Variants in MGAT4A observed in about 807,000 individuals in gnomAD.
MGAT4A encodes the protein alpha-1,3-mannosyl-glycoprotein 4-beta-N-acetylglucosaminyltransferase A.
MGAT4A carries 33 observed loss-of-function variants against 74.1 expected under a neutral mutation model. The observed-to-expected ratio is 0.45, with a 90% confidence interval of 0.34 to 0.60. The LOEUF (loss-of-function observed/expected upper bound fraction) is 0.60, where lower values mean the gene tolerates loss of function less well. MGAT4A is among the 20% of genes least tolerant of loss of function. The pLI, the probability that MGAT4A is intolerant of heterozygous loss-of-function variation, is 0.02. For synonymous variants in MGAT4A, 198 were observed against 210.4 expected, an observed-to-expected ratio of 0.94 and a Z score of 0.51; for missense variants, 479 against 628.3, an observed-to-expected ratio of 0.76 and a Z score of 2.54.
intron 2 of MGAT4A, among the ~76,000 whole-genome samples, chr2:98,703,787 T>TG (rs1702384540): frequency 6.6e-6 from 1 of 152,212 alleles, no homozygotes; most frequent in African/African-American, 2.4e-5. Context: ...CACACTCATC[T>TG]GGCCTCAGGA....
intron 5 of MGAT4A, 151 bp downstream of exon 5, chr2:98,662,895 T>C (rs1701771795): frequency 1.9e-6 from 1 of 523,978 alleles, no homozygotes. Flanking sequence ...GAGTTCAATT[T>C]ACATTAAACT....
In MGAT4A at chr2:98,699,859, C is replaced by T. The variant is rs771113641; in HGVS notation, c.95-21388G>A. Among the ~76,000 whole-genome samples the T allele has an allele frequency of 3.9e-5, 6 of 152,042 alleles. No individual in the cohort carries two copies. The East Asian group carries it at 7.7e-4, about 20-fold the overall frequency. ...ATGTTTGCCATTTCCGCTTGAACCC[C>T]GAGTATGTGACAAAATGCTCCCTGG... On this transcript the variant is annotated intron_variant, in intron 2 of 15. Coordinates refer to ENST00000393487, the MANE Select transcript of MGAT4A (RefSeq NM_012214.3).
At chr2:98,667,576 G>T (rs1382955520) in intron 4 of MGAT4A, among the ~76,000 whole-genome samples, 2 of 152,172 alleles carry the variant, frequency 1.3e-5, no homozygotes, top group East Asian at 3.8e-4. Flanking sequence ...TTTTGCCCCT[G>T]CCCTAGAGAT....
intron 7 of MGAT4A, chr2:98,655,752 G>A: frequency 2.7e-6 from 1 of 376,476 alleles, no homozygotes. Context: ...AAGCTGTCCT[G>A]AGGAAAAAAA....
At chr2:98,686,687 C>T (rs1398017087) in intron 2 of MGAT4A, among the ~76,000 whole-genome samples, 1 of 152,060 alleles carries the variant, frequency 6.6e-6, no homozygotes, top group Non-Finnish European at 1.5e-5. Context: ...GCTGGGATTA[C>T]AGGTGCACAC....
At chr2:98,679,102 A>T (rs1702019267) in intron 2 of MGAT4A, among the ~76,000 whole-genome samples, 1 of 152,078 alleles carries the variant, frequency 6.6e-6, no homozygotes. Context: ...GCTTGAGCCC[A>T]GGAGTTCAAG....
chr2:98,724,250 A>G (rs1317727971), intron 2 of MGAT4A, among the ~76,000 whole-genome samples: 1 of 152,234 alleles, frequency 6.6e-6, no homozygotes, highest in Non-Finnish European at 1.5e-5. Context: ...CAAAGCTTAT[A>G]GAAACCACAC....
intron 4 of MGAT4A, 113 bp from the exon 5 acceptor site, chr2:98,663,292 C>T (rs750801286): frequency 1.3e-6 from 2 of 1,528,184 alleles, no homozygotes; most frequent in Non-Finnish European, 1.8e-6. Context: ...ACTGATGGAT[C>T]AAAATATATT....
Position 98,625,804 on chromosome 2 carries a change from C to G in MGAT4A, c.1500G>C (p.Met500Ile), listed in dbSNP as rs1221351814. The part of the protein sequence containing the change: ...GKFENGVAEG[M>I]VDPSLNPISA... ...AAATGGGATTGAGACTTGGATCCAC[C>G]ATTCCTTCTGCAACACCATTCTCAA... The change falls in exon 15 of 16, where the codon ATG becomes ATC. Residue 500 changes from methionine (M) to isoleucine (I), a missense_variant. Coordinates refer to ENST00000393487, the MANE Select transcript of MGAT4A (RefSeq NM_012214.3). 4 of 1,611,182 alleles carry G rather than the reference C, an allele frequency of 2.5e-6. No homozygotes were observed. The highest frequency in any genetic ancestry group is 1.1e-5 in the South Asian group (1 of 90,834).
chr2:98,699,581 C>G (rs1702323435), intron 2 of MGAT4A, among the ~76,000 whole-genome samples: 1 of 151,628 alleles, frequency 6.6e-6, no homozygotes, highest in African/African-American at 2.4e-5. Flanking sequence ...TCCTCTTAAA[C>G]TAAAAAAATG....
chr2:98,645,607 A>G (rs1197067751), intron 8 of MGAT4A, 65 bp from the exon 9 acceptor site: 5 of 1,153,456 alleles, frequency 4.3e-6, no homozygotes, highest in Non-Finnish European at 5.8e-6. Context: ...GAAGGATATT[A>G]TTATGGAAAA....
At chr2:98,652,766 C>A (rs1350455291) in intron 8 of MGAT4A, among the ~76,000 whole-genome samples, 2 of 152,178 alleles carry the variant, frequency 1.3e-5, no homozygotes, top group Middle Eastern at 3.4e-3. Context: ...CTGGTATGCA[C>A]CACCATGCCC....
intron 2 of MGAT4A, among the ~76,000 whole-genome samples, chr2:98,714,781 T>G (rs967800650): frequency 6.6e-6 from 1 of 152,076 alleles, no homozygotes; most frequent in Non-Finnish European, 1.5e-5. Flanking sequence ...CACAACATTG[T>G]GAATGTACTA....
In MGAT4A at chr2:98,656,386, T is replaced by A. The variant is rs1288420414; in HGVS notation, c.664A>T (p.Lys222Ter). 1 of 1,610,754 alleles carries A rather than the reference T, an allele frequency of 6.2e-7. No individual in the cohort carries two copies. Among genetic ancestry groups the A allele is most frequent in the Non-Finnish European group, 8.5e-7 (1 of 1,177,616 alleles). ...TCTTTGGAGTCTCCAAATGTCTCCT[T>A]TAGGTTTGTCAAGTCAGGATAATAG... is the stretch of plus-strand genomic sequence containing the variant. ...ESYYPDLTNL[K>*]ETFGDSKERV... Residue 222 changes from lysine (K) to a stop codon, truncating the protein, a stop_gained, in exon 7 of 16, where the codon AAG (lysine) becomes TAG (stop). Transcript: ENST00000393487. LOFTEE classifies it high-confidence loss of function.
chr2:98,621,751 T>G lies in MGAT4A; in HGVS notation c.*3815A>C. On this transcript the variant is annotated 3_prime_UTR_variant, in exon 16 of 16. Transcript: ENST00000393487. ...GTTTCCACATAACCAGTCTTTTCTT[T>G]GAGGGACAGCACTGTTGGGAGACAA... 1 of 1,216,778 alleles carries G rather than the reference T, an allele frequency of 8.2e-7. No homozygotes were observed. The highest frequency in any genetic ancestry group is 1.0e-6 in the Non-Finnish European group (1 of 975,994). The allele number at this position is 1,216,778 out of a possible 1,614,324, so 75.4% of individuals were successfully genotyped here. A position where few individuals can be genotyped will look rare whatever the true frequency, so the allele number is the denominator to read the frequency against.
At chr2:98,674,169 C>T (rs370604194) in intron 4 of MGAT4A, among the ~76,000 whole-genome samples, 4 of 152,122 alleles carry the variant, frequency 2.6e-5, no homozygotes, top group African/African-American at 9.7e-5. Context: ...AATAAGACAG[C>T]AAAATACTTA....
At chr2:98,637,836 A>C (rs1306855677) in intron 12 of MGAT4A, among the ~76,000 whole-genome samples, 2 of 152,214 alleles carry the variant, frequency 1.3e-5, no homozygotes, top group African/African-American at 2.4e-5. Flanking sequence ...GAGAACTGAC[A>C]AAAAGTCCCC....
rs1335136934 is a variant in MGAT4A, at chr2:98,703,093, GA to G, written c.94+23145del. ...CCAGATGCTGGGTTTAGCAGATGAA[GA>G]CTTCGAAACAGTTACTATAAATAAG... On this transcript the variant is annotated intron_variant, in intron 2 of 15. Transcript: ENST00000393487. Among the ~76,000 whole-genome samples the G allele has an allele frequency of 2.6e-5, 4 of 152,276 alleles. No homozygotes were observed. In the East Asian group the frequency reaches 7.7e-4, roughly 29 times the overall value.
chr2:98,645,555 G>A lies in MGAT4A; in HGVS notation c.775-13C>T, dbSNP rs1346012260. 6.6e-7 allele frequency: 1 copy of A among 1,518,008 alleles called. No individual in the cohort carries two copies. The highest frequency in any genetic ancestry group is 1.4e-5 in the African/African-American group (1 of 70,872). 94.0% of individuals were successfully genotyped at this position (1,518,008 alleles called of 1,614,324 possible). The stretch of plus-strand genomic sequence containing the variant: ...TATCATCTTCAAGCTAGAGAAAATT[G>A]AACAATCATATTAATACATCAAAAA... On this transcript the variant is annotated splice_polypyrimidine_tract_variant and intron_variant, in intron 8 of 15. Transcript: ENST00000393487.
Sources: allele counts gnomAD v4.1 joint callset (sites outside exome capture counted in the v4.1 genomes callset), GRCh38; gene constraint gnomAD v4.1.1; transcripts MANE v1.5; gene names NCBI Gene and HGNC (gene_info 2026-07-23, HGNC 2026-07-21).